Variants in L3MBTL4 observed in about 807,000 individuals in gnomAD.
L3MBTL4 encodes the protein L3MBTL histone methyl-lysine binding protein 4, also known as lethal(3)malignant brain tumor-like protein 4.
L3MBTL4 carries 70 observed loss-of-function variants against 84.5 expected under a neutral mutation model. That is an observed-to-expected ratio of 0.83 (90% CI 0.68 to 1.01). The LOEUF (loss-of-function observed/expected upper bound fraction) is 1.01, where lower values mean the gene tolerates loss of function less well. L3MBTL4 is among the 50% of genes least tolerant of loss of function. The pLI, the probability that L3MBTL4 is intolerant of heterozygous loss-of-function variation, is 0.00. For missense variants in L3MBTL4, 715 were observed against 754.8 expected (o/e 0.95, Z 0.62); for synonymous variants, 274 against 259.8 (o/e 1.05, Z -0.52).
intron 12 of L3MBTL4, among the ~76,000 whole-genome samples, chr18:6,204,151 C>T (rs1287084817): frequency 2.0e-5 from 3 of 152,230 alleles, no homozygotes; most frequent in Non-Finnish European, 4.4e-5. Context: ...ATCTACACAC[C>T]TCCTTTTTTC....
At chr18:6,128,952 G>T (rs530841751) in intron 14 of L3MBTL4, among the ~76,000 whole-genome samples, 2 of 152,146 alleles carry the variant, frequency 1.3e-5, no homozygotes, top group African/African-American at 4.8e-5. Context: ...AAAGCCAAAT[G>T]GAGAAGTTTG....
chr18:6,397,996 G>T (rs187071593), intron 1 of L3MBTL4: 1 of 152,124 alleles, frequency 6.6e-6, no homozygotes, highest in African/African-American at 2.4e-5. Flanking sequence ...ATTCTGAGAT[G>T]GTTTCCCTCT....
chr18:5,977,217 G>A (rs1475266051), intron 16 of L3MBTL4, among the ~76,000 whole-genome samples: 3 of 152,222 alleles, frequency 2.0e-5, no homozygotes, highest in African/African-American at 7.2e-5. Context: ...TCCCAGGCGG[G>A]CATGTGCCCT....
intron 13 of L3MBTL4, among the ~76,000 whole-genome samples, chr18:6,143,972 C>T (rs554405705): frequency 2.2e-3 from 341 of 152,072 alleles, no homozygotes; most frequent in African/African-American, 7.5e-3. Context: ...CCAAGGGTGG[C>T]GGATCACAAG....
At chr18:6,133,139 C>T (rs2059924615) in intron 14 of L3MBTL4, among the ~76,000 whole-genome samples, 1 of 152,162 alleles carries the variant, frequency 6.6e-6, no homozygotes, top group East Asian at 1.9e-4. Context: ...AATGAGAGGG[C>T]ACAGTGTGCC....
chr18:6,200,004 G>A (rs1292265244), intron 12 of L3MBTL4, among the ~76,000 whole-genome samples: 1 of 152,154 alleles, frequency 6.6e-6, no homozygotes, highest in Non-Finnish European at 1.5e-5. Flanking sequence ...CAACACCCCT[G>A]GAAGGAGGAA....
intron 13 of L3MBTL4, among the ~76,000 whole-genome samples, chr18:6,160,739 A>T (rs903487901): frequency 6.6e-6 from 1 of 151,814 alleles, no homozygotes; most frequent in Admixed American, 6.6e-5. Flanking sequence ...CTCAAAAAAA[A>T]AAAAAAAAAA....
At chr18:6,369,116 G>T (rs568916882) in intron 1 of L3MBTL4, among the ~76,000 whole-genome samples, 6 of 152,050 alleles carry the variant, frequency 3.9e-5, no homozygotes, top group African/African-American at 1.4e-4. Context: ...GAGAAGGTGA[G>T]CGAGGGCTGC....
intron 1 of L3MBTL4, among the ~76,000 whole-genome samples, chr18:6,339,975 A>G (rs1455546326): frequency 1.3e-5 from 2 of 151,532 alleles, no homozygotes; most frequent in Non-Finnish European, 2.9e-5. Flanking sequence ...GAGCTTCACT[A>G]GTGAATTCTT....
intron 16 of L3MBTL4, among the ~76,000 whole-genome samples, chr18:5,977,533 A>G (rs1394425828): frequency 6.6e-6 from 1 of 152,186 alleles, no homozygotes. Flanking sequence ...CAAACACAGT[A>G]GCATCCTGAG....
chr18:6,031,739 G>A, intron 16 of L3MBTL4: 2 of 985,368 alleles, frequency 2.0e-6, no homozygotes, highest in Non-Finnish European at 1.2e-6. Context: ...AAGGGCAAAT[G>A]GAAAGTGCTG....
chr18:6,202,691 C>G (rs193084844), intron 12 of L3MBTL4, among the ~76,000 whole-genome samples: 1 of 152,186 alleles, frequency 6.6e-6, no homozygotes, highest in African/African-American at 2.4e-5. Flanking sequence ...GATGGGTAGA[C>G]TGTAAGAATG....
chr18:6,210,692 A>G (rs1183956967), intron 12 of L3MBTL4, among the ~76,000 whole-genome samples: 1 of 152,204 alleles, frequency 6.6e-6, no homozygotes, highest in African/African-American at 2.4e-5. Flanking sequence ...TGTAGTTCTC[A>G]TTGTTAGAAC....
intron 1 of L3MBTL4, among the ~76,000 whole-genome samples, chr18:6,402,755 G>T (rs1375544380): frequency 1.3e-5 from 2 of 152,068 alleles, no homozygotes; most frequent in African/African-American, 4.8e-5. Context: ...AGTTTTAGAA[G>T]AATTAAGATG....
At chr18:6,382,851 GTCCAC>G (rs2054651848) in intron 1 of L3MBTL4, among the ~76,000 whole-genome samples, 1 of 149,946 alleles carries the variant, frequency 6.7e-6, no homozygotes, top group Non-Finnish European at 1.5e-5. Context: ...GTGCTGGGAG[GTCCAC>G]TGCTCTCTTC....
intron 1 of L3MBTL4, among the ~76,000 whole-genome samples, chr18:6,394,298 T>C (rs995025347): frequency 7.9e-5 from 12 of 152,046 alleles, no homozygotes; most frequent in African/African-American, 2.9e-4. Context: ...TGAAACCCAG[T>C]CTCTATTAAA....
chr18:6,191,964 T>C (rs868776728), intron 12 of L3MBTL4, among the ~76,000 whole-genome samples: 1 of 149,882 alleles, frequency 6.7e-6, no homozygotes, highest in African/African-American at 2.5e-5. Context: ...CACTGCAGCC[T>C]GGGTGATAGA....
chr18:6,055,469 G>A lies in L3MBTL4; in HGVS notation c.1444+25412C>T, dbSNP rs189550365. Among the ~76,000 whole-genome samples, 399 of 152,194 alleles carry A rather than the reference G, an allele frequency of 2.6e-3. 3 individuals are homozygous for A. Among genetic ancestry groups the A allele is most frequent in the African/African-American group, 9.4e-3 (388 of 41,496 alleles). On this transcript the variant is annotated intron_variant, in intron 16 of 18. Coordinates refer to ENST00000317931, the MANE Select transcript of L3MBTL4 (RefSeq NM_001330559.2). ...ATATATTTGAAAGTAAGTTTTCTTC[G>A]ATAGTATGTTAAAGGCACAGATTGA...
At chr18:5,989,870 C>T (rs2053612892) in intron 16 of L3MBTL4, among the ~76,000 whole-genome samples, 1 of 152,206 alleles carries the variant, frequency 6.6e-6, no homozygotes, top group Non-Finnish European at 1.5e-5. Flanking sequence ...GGAAGGTCCC[C>T]TTTGCAGGCC....
Sources: allele counts gnomAD v4.1 joint callset (sites outside exome capture counted in the v4.1 genomes callset), GRCh38; gene constraint gnomAD v4.1.1; transcripts MANE v1.5; gene names NCBI Gene and HGNC (gene_info 2026-07-23, HGNC 2026-07-21).